Variants in METAP2 observed in about 807,000 individuals in gnomAD.
METAP2 encodes the protein methionine aminopeptidase 2.
A neutral mutation model predicts 59.4 loss-of-function variants in METAP2; 25 were observed. The ratio of observed to expected loss-of-function variants is 0.42; its 90% confidence interval spans 0.31 to 0.59. The LOEUF (loss-of-function observed/expected upper bound fraction) is 0.59, where lower values mean the gene tolerates loss of function less well. Among genes scored for constraint, METAP2 ranks in the 20% least tolerant of loss-of-function variants. The pLI, the probability that METAP2 is intolerant of heterozygous loss-of-function variation, is 0.16. For missense variants in METAP2, 366 were observed against 581.2 expected, an observed-to-expected ratio of 0.63 and a Z score of 3.81; for synonymous variants, 214 against 194.1, an observed-to-expected ratio of 1.10 and a Z score of -0.85.
chr12:95,487,225 G>T (rs997643907), intron 4 of METAP2, among the ~76,000 whole-genome samples: 2 of 152,106 alleles, frequency 1.3e-5, no homozygotes, highest in African/African-American at 4.8e-5. Flanking sequence ...TTTACAAAGG[G>T]ACTTAAGAGT....
chr12:95,505,729 A>G (rs1011153759), intron 8 of METAP2, among the ~76,000 whole-genome samples: 1 of 151,398 alleles, frequency 6.6e-6, no homozygotes, highest in Non-Finnish European at 1.5e-5. Context: ...TCCAGACCTC[A>G]GGTGATCCGC....
chr12:95,483,390 T>G (rs2076173344), intron 3 of METAP2, 110 bp downstream of exon 3: 1 of 777,780 alleles, frequency 1.3e-6, no homozygotes, highest in Non-Finnish European at 2.1e-6. Flanking sequence ...GCAGGAGAAT[T>G]GCTGGAACCC....
rs531645327 is a variant in METAP2, at chr12:95,495,084, A to G, written c.718A>G (p.Thr240Ala). 1 of 1,613,680 alleles carries G rather than the reference A, an allele frequency of 6.2e-7. No individual in the cohort carries two copies. Among genetic ancestry groups the G allele is most frequent in the African/African-American group, 1.3e-5 (1 of 75,042 alleles). ...AHYTPNAGDTTVLQYDDICKI... is the reference protein window; with the variant it reads ...AHYTPNAGDTAVLQYDDICKI... ...TTATACTCCCAATGCCGGTGACACA[A>G]CAGTATTACAGTATGATGACATCTG... is the stretch of plus-strand genomic sequence containing the variant. Residue 240 changes from threonine to alanine, a missense_variant, in exon 6 of 11, where the codon ACA becomes GCA. Around this residue, in one of 4 missense-constraint regions of METAP2, gnomAD observed 106 missense variants for 221.9 expected, o/e 0.48. Transcript: ENST00000323666.
chr12:95,515,148 G>A lies in METAP2; in HGVS notation c.*1244G>A, dbSNP rs199584266. 12 of 152,564 alleles carry A rather than the reference G, an allele frequency of 7.9e-5. No homozygotes were observed. Among genetic ancestry groups the A allele is most frequent in the Non-Finnish European group, 1.5e-4 (10 of 68,024 alleles). 9.5% of individuals were successfully genotyped at this position (152,564 alleles called of 1,614,324 possible). ...TACAATGAGATTTTATTGCCTCTGG[G>A]ATGCTGTTTAGTTTGTATTTTGTTG... On this transcript the variant is annotated 3_prime_UTR_variant, in exon 11 of 11. Coordinates refer to ENST00000323666, the MANE Select transcript of METAP2 (RefSeq NM_006838.4).
At chr12:95,479,870 A>G (rs1370543563) in intron 2 of METAP2, among the ~76,000 whole-genome samples, 1 of 152,200 alleles carries the variant, frequency 6.6e-6, no homozygotes, top group African/African-American at 2.4e-5. Context: ...CAGCCTCCCA[A>G]AGTGCTGGGA....
chr12:95,479,979 C>G (rs1457442056), intron 2 of METAP2, among the ~76,000 whole-genome samples: 1 of 152,132 alleles, frequency 6.6e-6, no homozygotes, highest in Admixed American at 6.6e-5. Flanking sequence ...TAACTACTAC[C>G]ACGACGGAAG....
intron 8 of METAP2, among the ~76,000 whole-genome samples, chr12:95,507,373 C>A (rs989962669): frequency 2.0e-5 from 3 of 152,254 alleles, no homozygotes; most frequent in African/African-American, 7.2e-5. Flanking sequence ...TCGCTCTTCG[C>A]ATCCAGGAAA....
intron 2 of METAP2, among the ~76,000 whole-genome samples, chr12:95,481,099 T>C (rs911337828): frequency 2.0e-5 from 3 of 152,174 alleles, no homozygotes; most frequent in East Asian, 3.8e-4. Context: ...TCAACAGATA[T>C]CAACTGATTT....
chr12:95,477,894 T>TAAG (rs1185640094), intron 2 of METAP2, among the ~76,000 whole-genome samples: 12 of 152,248 alleles, frequency 7.9e-5, no homozygotes, highest in African/African-American at 2.9e-4. Context: ...CATTGGCTTA[T>TAAG]GCTTTAGATT....
rs919229675 is a variant in METAP2 at position 95,476,299 on chromosome 12, T to A, written c.259+121T>A. 191 of 536,580 alleles carry A rather than the reference T, an allele frequency of 3.6e-4. 1 individual carries two copies. In the African/African-American group the frequency reaches 3.6e-3, roughly 10 times the overall value. 33.2% of individuals were successfully genotyped at this position (536,580 alleles called of 1,614,324 possible). A position where few individuals can be genotyped will look rare whatever the true frequency, so the allele number is the denominator to read the frequency against. On this transcript the variant is annotated intron_variant, in intron 2 of 10. Coordinates refer to ENST00000323666, the MANE Select transcript of METAP2 (RefSeq NM_006838.4). ...AGGCGGGTGGATTACATAAGGTCAGTAGTTCGAGACCAGCCTGGCCAACAT... is the reference window on the plus strand; with the variant it reads ...AGGCGGGTGGATTACATAAGGTCAGAAGTTCGAGACCAGCCTGGCCAACAT...
At chr12:95,499,621 G>T (rs1350067757) in intron 7 of METAP2, among the ~76,000 whole-genome samples, 1 of 151,398 alleles carries the variant, frequency 6.6e-6, no homozygotes, top group Non-Finnish European at 1.5e-5. Flanking sequence ...GGATTGTGTT[G>T]AATGTGTAGA....
intron 3 of METAP2, chr12:95,484,898 GT>G (rs760644603): frequency 3.5e-5 from 16 of 452,388 alleles, no homozygotes; most frequent in Non-Finnish European, 5.8e-5. Context: ...TCTTGTTTTG[GT>G]TTTTACTAAT....
In METAP2 at chr12:95,515,176, C is replaced by T. The variant is rs1211794609; in HGVS notation, c.*1272C>T. 6.6e-6 allele frequency: 1 copy of T among 152,540 alleles called. No homozygotes were observed. The highest frequency in any genetic ancestry group is 1.5e-5 in the Non-Finnish European group (1 of 68,028). The allele number at this position is 152,540 out of a possible 1,614,324, so 9.4% of individuals were successfully genotyped here. A position where few individuals can be genotyped will look rare whatever the true frequency, so the allele number is the denominator to read the frequency against. ...GCTGTTTAGTTTGTATTTTGTTGAA[C>T]GTTTTTATCCTAGGAAGAGAAACCT... On this transcript the variant is annotated 3_prime_UTR_variant, in exon 11 of 11. Coordinates refer to ENST00000323666, the MANE Select transcript of METAP2 (RefSeq NM_006838.4).
At chr12:95,503,272 C>T (rs2076330358) in intron 7 of METAP2, among the ~76,000 whole-genome samples, 1 of 152,112 alleles carries the variant, frequency 6.6e-6, no homozygotes, top group African/African-American at 2.4e-5. Context: ...AAGGATCCAC[C>T]TGAGGTGTGA....
intron 8 of METAP2, among the ~76,000 whole-genome samples, 161 bp from the exon 9 acceptor site, chr12:95,511,734 A>G (rs1220361690): frequency 6.6e-6 from 1 of 152,066 alleles, no homozygotes; most frequent in Admixed American, 6.6e-5. Flanking sequence ...TTTATATTCC[A>G]CTAGATTCCA....
At chr12:95,498,726 C>T (rs2076293951) in intron 7 of METAP2, among the ~76,000 whole-genome samples, 1 of 152,176 alleles carries the variant, frequency 6.6e-6, no homozygotes, top group Non-Finnish European at 1.5e-5. Context: ...TGTCAAAGCT[C>T]ATCTGGGTCA....
intron 3 of METAP2, among the ~76,000 whole-genome samples, chr12:95,484,268 C>A (rs1035516156): frequency 6.6e-6 from 1 of 151,880 alleles, no homozygotes; most frequent in African/African-American, 2.4e-5. Context: ...ATTTAGGCGT[C>A]CATCATTACT....
intron 7 of METAP2, among the ~76,000 whole-genome samples, chr12:95,498,143 A>C (rs1388370704): frequency 1.3e-5 from 2 of 151,130 alleles, no homozygotes; most frequent in Non-Finnish European, 2.9e-5. Context: ...AAAAAAAAAA[A>C]AAAACAGTAG....
intron 2 of METAP2, among the ~76,000 whole-genome samples, chr12:95,480,744 G>C (rs953175094): frequency 6.6e-6 from 1 of 152,056 alleles, no homozygotes; most frequent in African/African-American, 2.4e-5. Context: ...TGTATATTCT[G>C]GTTGCAAGTT....
Sources: gnomAD v4.1 joint callset for allele counts (sites outside exome capture counted in the v4.1 genomes callset) on GRCh38, gnomAD v4.1.1 for gene constraint, gnomAD v4.1.1 regional missense constraint, MANE v1.5 for transcripts, NCBI Gene and HGNC (gene_info 2026-07-23, HGNC 2026-07-21) for gene names.